The following SAMMSON variants were observed in gnomAD, a reference collection of about 807,000 sequenced individuals.
SAMMSON encodes survival associated mitochondrial melanoma specific oncogenic non-coding RNA.
intron 3 of SAMMSON, among the ~76,000 whole-genome samples, chr3:70,021,456 C>T (rs1245198074): frequency 6.6e-6 from 1 of 152,148 alleles, no homozygotes; most frequent in Non-Finnish European, 1.5e-5. Flanking sequence ...AATAAAACAT[C>T]TGTGGCAAAA....
intron 4 of SAMMSON, among the ~76,000 whole-genome samples, chr3:70,093,112 CA>C (rs1463377897): frequency 6.6e-6 from 1 of 152,032 alleles, no homozygotes; most frequent in African/African-American, 2.4e-5. Context: ...GTCTCTTCCA[CA>C]ACAATGTGAG....
At chr3:70,429,322 T>C (rs1040052225) in intron 2 of SAMMSON, among the ~76,000 whole-genome samples, 9 of 152,212 alleles carry the variant, frequency 5.9e-5, no homozygotes, top group African/African-American at 2.2e-4. Flanking sequence ...TCCATTGGTC[T>C]ATATATCTGT....
intron 4 of SAMMSON, among the ~76,000 whole-genome samples, chr3:70,245,671 TTATATATATATATATATATATATA>T (rs34480688): frequency 4.4e-4 from 25 of 57,238 alleles, no homozygotes; most frequent in South Asian, 8.0e-4. Context: ...GCAAACTGCT[TTATATATATATATATATATATATA>T]TATATATATA....
chr3:70,102,314 T>C (rs1271374700), intron 4 of SAMMSON, among the ~76,000 whole-genome samples: 1 of 152,182 alleles, frequency 6.6e-6, no homozygotes, highest in Non-Finnish European at 1.5e-5. Context: ...ATCATGAAAC[T>C]GTGAGGAATA....
At chr3:70,157,560 G>A (rs1478023044) in intron 4 of SAMMSON, among the ~76,000 whole-genome samples, 1 of 152,044 alleles carries the variant, frequency 6.6e-6, no homozygotes, top group Non-Finnish European at 1.5e-5. Flanking sequence ...GGCAGGAGAG[G>A]TAGAGACCTT....
intron 2 of SAMMSON, chr3:70,012,737 A>T (rs1333229305): frequency 2.6e-5 from 4 of 152,186 alleles, no homozygotes; most frequent in Non-Finnish European, 4.4e-5. Flanking sequence ...AAATCAGAAG[A>T]CATGAATTGG....
intron 3 of SAMMSON, among the ~76,000 whole-genome samples, chr3:70,045,354 T>A (rs2067122670): frequency 6.6e-6 from 1 of 150,776 alleles, no homozygotes; most frequent in Admixed American, 6.7e-5. Flanking sequence ...AAATGGAGGA[T>A]CTTTTCCATA....
At chr3:70,066,961 G>C (rs748429740) in intron 3 of SAMMSON, among the ~76,000 whole-genome samples, 12 of 152,084 alleles carry the variant, frequency 7.9e-5, no homozygotes, top group Non-Finnish European at 1.6e-4. Context: ...GAAAATTATA[G>C]GATATGTGTA....
At chr3:70,282,936 G>T (rs1037556053) in intron 6 of SAMMSON, among the ~76,000 whole-genome samples, 3 of 152,132 alleles carry the variant, frequency 2.0e-5, no homozygotes, top group Non-Finnish European at 4.4e-5. Flanking sequence ...AATAAAAGAT[G>T]ACTCTTATAA....
At chr3:70,097,519 C>G (rs754806087) in intron 4 of SAMMSON, among the ~76,000 whole-genome samples, 6 of 152,148 alleles carry the variant, frequency 3.9e-5, no homozygotes, top group Non-Finnish European at 8.8e-5. Flanking sequence ...TGCCTTCAGC[C>G]CAAACCCTAG....
At chr3:70,410,281 T>C (rs1701207626) in intron 2 of SAMMSON, among the ~76,000 whole-genome samples, 2 of 152,340 alleles carry the variant, frequency 1.3e-5, no homozygotes, top group African/African-American at 4.8e-5. Flanking sequence ...CCAGGTATAG[T>C]GTTCATTCTG....
chr3:70,029,326 C>T (rs954312716), intron 3 of SAMMSON, among the ~76,000 whole-genome samples: 2 of 152,138 alleles, frequency 1.3e-5, no homozygotes, highest in Non-Finnish European at 2.9e-5. Flanking sequence ...AATCTTTGAA[C>T]AATGGATGAG....
chr3:70,206,471 T>C, intron 4 of SAMMSON: 1 of 395,840 alleles, frequency 2.5e-6, no homozygotes, highest in Non-Finnish European at 4.5e-6. Flanking sequence ...TTAATATTCA[T>C]AAGGACTTTT....
At chr3:70,221,707 G>T (rs1270015862) in intron 4 of SAMMSON, among the ~76,000 whole-genome samples, 1 of 152,152 alleles carries the variant, frequency 6.6e-6, no homozygotes. Context: ...AGGGGAAAAA[G>T]GACAATGAGG....
intron 1 of SAMMSON, among the ~76,000 whole-genome samples, chr3:70,000,179 A>G (rs1315302652): frequency 1.3e-5 from 2 of 152,128 alleles, no homozygotes; most frequent in Non-Finnish European, 2.9e-5. Flanking sequence ...AGGAGCACAC[A>G]CGTCCACTGG....
intron 7 of SAMMSON, among the ~76,000 whole-genome samples, chr3:70,297,736 G>A (rs2106698957): frequency 6.6e-6 from 1 of 152,090 alleles, no homozygotes; most frequent in South Asian, 2.1e-4. Flanking sequence ...TGGGGTATGT[G>A]TTAAGAAGTC....
chr3:70,058,016 A>T (rs957876028), intron 3 of SAMMSON, among the ~76,000 whole-genome samples: 3 of 152,094 alleles, frequency 2.0e-5, no homozygotes, highest in Admixed American at 1.3e-4. Context: ...ATACCTATTA[A>T]CAAAAAAGGT....
intron 6 of SAMMSON, among the ~76,000 whole-genome samples, chr3:70,264,073 A>G (rs1221055344): frequency 2.6e-5 from 4 of 152,208 alleles, no homozygotes; most frequent in South Asian, 2.1e-4. Context: ...GTCTAGCACA[A>G]TCACTTTGCA....
At chr3:70,368,617 G>A (rs1470514473) in intron 9 of SAMMSON, among the ~76,000 whole-genome samples, 1 of 151,498 alleles carries the variant, frequency 6.6e-6, no homozygotes, top group Non-Finnish European at 1.5e-5. Context: ...GCCATTGACT[G>A]AAACATTATC....
Sources: allele counts gnomAD v4.1 joint callset (sites outside exome capture counted in the v4.1 genomes callset), GRCh38; gene constraint gnomAD v4.1.1; transcripts MANE v1.5; gene names NCBI Gene and HGNC (gene_info 2026-07-23, HGNC 2026-07-21).